Variants in BMPR1B observed in about 807,000 individuals in gnomAD.
BMPR1B encodes the protein bone morphogenetic protein receptor type 1B.
A neutral mutation model predicts 59.1 loss-of-function variants in BMPR1B; 12 were observed. The observed-to-expected ratio is 0.20, with a 90% CI of 0.13 to 0.33. The LOEUF (loss-of-function observed/expected upper bound fraction) is 0.33. Ranked by LOEUF, BMPR1B falls within the 10% of genes least tolerant of loss-of-function variation. The pLI is 1.00. For synonymous variants in BMPR1B, 237 were observed against 207.3 expected (o/e 1.14, Z -1.23); for missense variants, 550 against 610.9 (o/e 0.90, Z 1.05).
intron 3 of BMPR1B, among the ~76,000 whole-genome samples, chr4:95,015,544 C>T (rs1023658659): frequency 2.0e-5 from 3 of 152,082 alleles, no homozygotes; most frequent in Admixed American, 1.3e-4. Context: ...CACCACCACA[C>T]CAGACTCATT....
rs374254721 is a variant in BMPR1B at position 94,800,775 on chromosome 4, A to G, written c.-183+42707A>G. ...ACTATAAAACAATTATCTAAAAATT[A>G]TTTGGTGATATTATTACTCATGATT... On this transcript the variant is annotated intron_variant, in intron 1 of 12. Coordinates refer to ENST00000515059, the MANE Select transcript of BMPR1B (RefSeq NM_001203.3). Among the ~76,000 whole-genome samples, 9 of 152,350 alleles carry G rather than the reference A, an allele frequency of 5.9e-5. No homozygotes were observed. In the East Asian group the frequency reaches 1.2e-3, roughly 20 times the overall value.
intron 1 of BMPR1B, among the ~76,000 whole-genome samples, chr4:94,777,666 A>G (rs920842093): frequency 5.9e-5 from 9 of 152,172 alleles, no homozygotes; most frequent in South Asian, 2.1e-4. Context: ...AGGCCCTTAT[A>G]TTGTAGCAGA....
intron 1 of BMPR1B, among the ~76,000 whole-genome samples, chr4:94,833,979 T>C (rs1447977081): frequency 1.3e-5 from 2 of 152,256 alleles, no homozygotes; most frequent in African/African-American, 4.8e-5. Context: ...ACTTGAGAGC[T>C]ACCCATACGT....
chr4:95,058,710 A>G (rs1727115246), intron 3 of BMPR1B, among the ~76,000 whole-genome samples: 1 of 152,198 alleles, frequency 6.6e-6, no homozygotes, highest in African/African-American at 2.4e-5. Flanking sequence ...TTATAGAAAT[A>G]TTCATTATCA....
intron 3 of BMPR1B, among the ~76,000 whole-genome samples, chr4:95,028,152 T>G: frequency 6.6e-6 from 1 of 152,014 alleles, no homozygotes; most frequent in Non-Finnish European, 1.5e-5. Context: ...TGAAGGAGGG[T>G]TTTGCTAATT....
At chr4:94,989,446 C>T (rs1323980119) in intron 2 of BMPR1B, among the ~76,000 whole-genome samples, 3 of 151,170 alleles carry the variant, frequency 2.0e-5, no homozygotes, top group Non-Finnish European at 2.9e-5. Flanking sequence ...TTTCTTAACA[C>T]CCAATTTCAA....
At chr4:95,098,533 T>C (rs1730591510) in intron 3 of BMPR1B, among the ~76,000 whole-genome samples, 1 of 152,002 alleles carries the variant, frequency 6.6e-6, no homozygotes, top group Non-Finnish European at 1.5e-5. Context: ...TCTTTTTTTT[T>C]GTGGCTTTTA....
chr4:95,101,416 C>T (rs1358838253), intron 3 of BMPR1B, among the ~76,000 whole-genome samples: 3 of 152,054 alleles, frequency 2.0e-5, no homozygotes, highest in South Asian at 2.1e-4. Flanking sequence ...ATACTGCTAG[C>T]GTGTAGGGAA....
intron 10 of BMPR1B, among the ~76,000 whole-genome samples, chr4:95,139,092 T>C (rs1734021583): frequency 6.6e-6 from 1 of 152,214 alleles, no homozygotes; most frequent in Non-Finnish European, 1.5e-5. Context: ...GATGGGGTTT[T>C]GGTGTGGATG....
At chr4:94,918,548 C>T (rs1022764614) in intron 2 of BMPR1B, among the ~76,000 whole-genome samples, 3 of 151,984 alleles carry the variant, frequency 2.0e-5, no homozygotes, top group Admixed American at 1.3e-4. Context: ...GTGTGGCACA[C>T]GCCTGTAGTC....
At chr4:94,857,065 TCAGGAACTC>T (rs1725784949) in intron 1 of BMPR1B, among the ~76,000 whole-genome samples, 3 of 152,082 alleles carry the variant, frequency 2.0e-5, no homozygotes, top group Non-Finnish European at 2.9e-5. Context: ...AGAGTATGCT[TCAGGAACTC>T]TTTCAGATTT....
rs1735408291 is a variant in BMPR1B, at chr4:95,156,188, C to G, written c.*1515C>G. 6.6e-6 allele frequency: 1 copy of G among 152,088 alleles called. No individual in the cohort carries two copies. Among genetic ancestry groups the G allele is most frequent in the African/African-American group, 2.4e-5 (1 of 41,428 alleles). 9.4% of individuals were successfully genotyped at this position (152,088 alleles called of 1,614,324 possible). On this transcript the variant is annotated 3_prime_UTR_variant, in exon 13 of 13. Coordinates refer to ENST00000515059, the MANE Select transcript of BMPR1B (RefSeq NM_001203.3). ...CCAATATTGTTTAGCAACATGAATA[C>G]AATACAGTTTAAAGTTGTACACATC... is the stretch of plus-strand genomic sequence containing the variant.
intron 3 of BMPR1B, among the ~76,000 whole-genome samples, chr4:95,040,317 C>T (rs1346111760): frequency 6.6e-6 from 1 of 152,008 alleles, no homozygotes; most frequent in Non-Finnish European, 1.5e-5. Flanking sequence ...ACTTTAAATC[C>T]TTTTGTGTTA....
chr4:94,801,407 A>C (rs1347170181), intron 1 of BMPR1B, among the ~76,000 whole-genome samples: 1 of 152,138 alleles, frequency 6.6e-6, no homozygotes, highest in Admixed American at 6.5e-5. Flanking sequence ...GGTTGTGGCC[A>C]TGCCAGTTAG....
rs568537337 is a variant in BMPR1B, at chr4:95,039,797, T to C, written c.-18+43663T>C. Among the ~76,000 whole-genome samples the C allele has an allele frequency of 2.0e-5, 3 of 152,248 alleles. No homozygotes were observed. In the South Asian group the frequency reaches 6.2e-4, roughly 32 times the overall value. ...TTTTTTAGCTCATCAGTGTAGTGTGTAGTGTAGTGTATTTTCTATTTGGCC... is the reference window on the plus strand; with the variant it reads ...TTTTTTAGCTCATCAGTGTAGTGTGCAGTGTAGTGTATTTTCTATTTGGCC... On this transcript the variant is annotated intron_variant, in intron 3 of 12. Transcript: ENST00000515059.
intron 1 of BMPR1B, among the ~76,000 whole-genome samples, chr4:94,812,181 C>A (rs77338236): frequency 6.7e-6 from 1 of 148,312 alleles, no homozygotes; most frequent in South Asian, 2.1e-4. Flanking sequence ...ACCTAGTCCT[C>A]CAAAATTTAA....
intron 1 of BMPR1B, among the ~76,000 whole-genome samples, chr4:94,793,222 G>A (rs1469311208): frequency 6.6e-6 from 1 of 150,380 alleles, no homozygotes; most frequent in Admixed American, 6.7e-5. Context: ...CTGTGTCCAT[G>A]TGATCTCATT....
At chr4:95,119,188 A>T (rs922583382) in intron 6 of BMPR1B, among the ~76,000 whole-genome samples, 2 of 152,170 alleles carry the variant, frequency 1.3e-5, no homozygotes, top group Admixed American at 6.5e-5. Context: ...AGTATCTAGC[A>T]TTCTCCTAAA....
intron 2 of BMPR1B, among the ~76,000 whole-genome samples, chr4:94,975,352 CTTTTGTTTTTGTT>C (rs1730982339): frequency 7.7e-6 from 1 of 130,104 alleles, no homozygotes; most frequent in Non-Finnish European, 1.6e-5. Flanking sequence ...TCTTAATTTC[CTTTTGTTTTTGTT>C]TTTTTTTTTT....
Sources: allele counts gnomAD v4.1 joint callset (sites outside exome capture counted in the v4.1 genomes callset), GRCh38; gene constraint gnomAD v4.1.1; transcripts MANE v1.5; gene names NCBI Gene and HGNC (gene_info 2026-07-23, HGNC 2026-07-21).